The following GSE1 variants were observed in gnomAD, a reference collection of about 807,000 sequenced individuals.
The protein encoded by GSE1 is Gse1 coiled-coil protein, also known as genetic suppressor element 1.
A neutral mutation model predicts 112.6 loss-of-function variants in GSE1; 32 were observed. The observed-to-expected ratio is 0.28, with a 90% CI of 0.21 to 0.38. The LOEUF is 0.38. GSE1 is among the 10% of genes least tolerant of loss of function. The pLI is 1.00. For synonymous variants in GSE1, 1,115 were observed against 735.6 expected (o/e 1.52, Z -8.35); for missense variants, 2,348 against 1,699.2 (o/e 1.38, Z -6.71).
intron 2 of GSE1, among the ~76,000 whole-genome samples, chr16:85,454,641 G>A (rs773100294): frequency 5.9e-5 from 9 of 152,340 alleles, no homozygotes; most frequent in South Asian, 2.1e-4. Flanking sequence ...GGCAGGACGC[G>A]TTCCTTGTGG....
intron 2 of GSE1, among the ~76,000 whole-genome samples, chr16:85,549,906 G>T (rs2044842937): frequency 1.3e-5 from 2 of 152,184 alleles, no homozygotes; most frequent in South Asian, 2.1e-4. Flanking sequence ...GGGATGCTGG[G>T]GCAGGTCGTA....
At chr16:85,639,763 C>G (rs756633737) in intron 2 of GSE1, among the ~76,000 whole-genome samples, 12 of 152,262 alleles carry the variant, frequency 7.9e-5, no homozygotes, top group Non-Finnish European at 1.8e-4. Flanking sequence ...GCCCCCACTG[C>G]TGTGTGACGA....
At chr16:85,666,615 G>T (rs1307538766) in intron 13 of GSE1, 1 of 487,068 alleles carries the variant, frequency 2.1e-6, no homozygotes, top group African/African-American at 2.0e-5. Context: ...TCGGTAAGAG[G>T]TAAAGGAGTG....
At position 85,656,376 on chromosome 16, in the gene GSE1, G is replaced by GGAGCGCGAGCGC. The variant is rs3833833; in HGVS notation, c.1035_1046dup (p.Arg349_Glu352dup). On this transcript the variant is annotated inframe_insertion, in exon 7 of 16. Transcript: ENST00000253458. ...TGGACGAGGAGCTAAGGCGGGAGAG[G>GGAGCGCGAGCGC]GAGCGCGAGCGCGAGCGCGAGCGTG... 302 of 1,598,686 alleles carry GGAGCGCGAGCGC rather than the reference G, an allele frequency of 1.9e-4. 1 individual carries two copies. Among genetic ancestry groups the GGAGCGCGAGCGC allele is most frequent in the East Asian group, 1.7e-3 (75 of 44,638 alleles).
At chr16:85,172,848 A>AT (rs1567586753) in intron 1 of GSE1, among the ~76,000 whole-genome samples, 3 of 152,188 alleles carry the variant, frequency 2.0e-5, no homozygotes, top group Non-Finnish European at 2.9e-5. Flanking sequence ...GAGGTGGACT[A>AT]TCTGGGGGAC....
chr16:85,251,236 G>A (rs1446373565), intron 1 of GSE1, among the ~76,000 whole-genome samples: 1 of 152,232 alleles, frequency 6.6e-6, no homozygotes, highest in African/African-American at 2.4e-5. Flanking sequence ...CCAGCTCTCA[G>A]AGGCCTTGCC....
intron 2 of GSE1, among the ~76,000 whole-genome samples, chr16:85,476,995 A>G (rs1186112529): frequency 7.4e-6 from 1 of 135,208 alleles, no homozygotes; most frequent in Non-Finnish European, 1.5e-5. Flanking sequence ...TGTGATCTCT[A>G]CTAACTGCAA....
intron 1 of GSE1, among the ~76,000 whole-genome samples, chr16:85,247,738 C>G (rs901415907): frequency 1.3e-5 from 2 of 152,222 alleles, no homozygotes; most frequent in African/African-American, 4.8e-5. Flanking sequence ...GCCCCTGGGG[C>G]TGCTGTGAGC....
intron 2 of GSE1, among the ~76,000 whole-genome samples, chr16:85,544,822 G>A (rs1173872149): frequency 1.3e-5 from 2 of 152,250 alleles, no homozygotes; most frequent in East Asian, 3.8e-4. Flanking sequence ...CCTGGTCTCT[G>A]GAGTGCCTGG....
chr16:85,630,440 C>G (rs2049446362), intron 1 of GSE1, among the ~76,000 whole-genome samples: 1 of 152,138 alleles, frequency 6.6e-6, no homozygotes, highest in Non-Finnish European at 1.5e-5. Flanking sequence ...AACTCCTGGG[C>G]TCAAATAATC....
chr16:85,590,290 C>CTG (rs368803365), intron 1 of GSE1, among the ~76,000 whole-genome samples: 2 of 129,922 alleles, frequency 1.5e-5, no homozygotes, highest in Admixed American at 7.7e-5. Flanking sequence ...ACATGTGTGA[C>CTG]TGTGTGTGTG....
intron 1 of GSE1, among the ~76,000 whole-genome samples, chr16:85,349,284 C>T (rs1567704928): frequency 6.6e-6 from 1 of 152,132 alleles, no homozygotes; most frequent in East Asian, 1.9e-4. Context: ...CATTATGGAG[C>T]TATTACAGGG....
chr16:85,448,728 G>T (rs574393713), intron 2 of GSE1, among the ~76,000 whole-genome samples: 2 of 152,172 alleles, frequency 1.3e-5, no homozygotes, highest in Non-Finnish European at 2.9e-5. Context: ...CCCGCCCCAC[G>T]CCGCCCACAT....
chr16:85,306,615 C>A (rs1175713976), intron 1 of GSE1, among the ~76,000 whole-genome samples: 1 of 152,178 alleles, frequency 6.6e-6, no homozygotes. Context: ...GTGGTACAGT[C>A]ATAGCTCACT....
chr16:85,506,692 G>A (rs953880495), intron 2 of GSE1, among the ~76,000 whole-genome samples: 20 of 152,064 alleles, frequency 1.3e-4, no homozygotes, highest in Admixed American at 1.0e-3. Context: ...GGGCAGCGCC[G>A]TAATCATAAC....
At chr16:85,251,579 A>G (rs898390821) in intron 1 of GSE1, among the ~76,000 whole-genome samples, 1 of 152,122 alleles carries the variant, frequency 6.6e-6, no homozygotes, top group African/African-American at 2.4e-5. Flanking sequence ...CAGCAGAGTG[A>G]CCCTGGGCAG....
chr16:85,630,605 C>T (rs753998572), intron 1 of GSE1, among the ~76,000 whole-genome samples: 45 of 152,214 alleles, frequency 3.0e-4, no homozygotes, highest in Non-Finnish European at 5.3e-4. Context: ...GTGTGCCCAC[C>T]ATGCCCAGGA....
At chr16:85,196,975 T>A (rs1357412204) in intron 1 of GSE1, among the ~76,000 whole-genome samples, 2 of 152,224 alleles carry the variant, frequency 1.3e-5, no homozygotes, top group Admixed American at 6.5e-5. Context: ...CCAGGGAGTC[T>A]GGAGACCCCG....
At chr16:85,250,463 G>C (rs1290352868) in intron 1 of GSE1, among the ~76,000 whole-genome samples, 3 of 152,098 alleles carry the variant, frequency 2.0e-5, no homozygotes, top group African/African-American at 7.2e-5. Flanking sequence ...GGAGGCGCCA[G>C]GGCCAGGCCT....
Sources: allele counts gnomAD v4.1 joint callset (sites outside exome capture counted in the v4.1 genomes callset), GRCh38; gene constraint gnomAD v4.1.1; transcripts MANE v1.5; gene names NCBI Gene and HGNC (gene_info 2026-07-23, HGNC 2026-07-21).